SLC30A7: variants seen among roughly 807,000 people sequenced by gnomAD.
SLC30A7 encodes zinc transporter 7.
Under a neutral mutation model 46.0 loss-of-function variants are expected in SLC30A7, and 35 were observed. The ratio of observed to expected loss-of-function variants is 0.76; its 90% CI spans 0.58 to 1.01. The LOEUF (loss-of-function observed/expected upper bound fraction) is 1.01. Among genes scored for constraint, SLC30A7 ranks in the 50% least tolerant of loss-of-function variants. The pLI, the probability that SLC30A7 is intolerant of heterozygous loss-of-function variation, is 0.00. For missense variants in SLC30A7, 464 were observed against 451.1 expected, an observed-to-expected ratio of 1.03 and a Z score of -0.26; for synonymous variants, 147 against 157.8, an observed-to-expected ratio of 0.93 and a Z score of 0.51.
chr1:100,905,535 AT>A (rs1651600759), intron 2 of SLC30A7, among the ~76,000 whole-genome samples: 1 of 151,692 alleles, frequency 6.6e-6, no homozygotes, highest in Admixed American at 6.6e-5. Context: ...AAATACATGT[AT>A]TTTAGTATGT....
chr1:100,958,010 T>G lies in SLC30A7; in HGVS notation c.843-3818T>G, dbSNP rs562739304. Among the ~76,000 whole-genome samples, 38 of 152,228 alleles carry G rather than the reference T, an allele frequency of 2.5e-4. 2 individuals carry two copies. The South Asian group carries it at 6.6e-3, about 27-fold the overall frequency. The stretch of plus-strand genomic sequence containing the variant: ...TAGCAACACAGTAGGTAGAAACAGA[T>G]CCCACTCTTTAGTTTAGATGAATGA... On this transcript the variant is annotated intron_variant, in intron 8 of 10. Transcript: ENST00000357650.
At chr1:100,955,850 C>T (rs1248224656) in intron 8 of SLC30A7, among the ~76,000 whole-genome samples, 4 of 152,040 alleles carry the variant, frequency 2.6e-5, no homozygotes, top group East Asian at 1.9e-4. Context: ...TGTGTATCAC[C>T]GTGTGATTTA....
intron 8 of SLC30A7, 101 bp downstream of exon 8, chr1:100,921,942 T>G: frequency 9.6e-7 from 1 of 1,039,156 alleles, no homozygotes. Context: ...TTGGTTTTCC[T>G]TTGCTTGCTT....
Position 100,913,759 on chromosome 1 carries a change from C to T in SLC30A7, c.608C>T (p.Ala203Val). 6.2e-7 allele frequency: 1 copy of T among 1,613,748 alleles called. No homozygotes were observed. Among genetic ancestry groups the T allele is most frequent in the Non-Finnish European group, 8.5e-7 (1 of 1,179,692 alleles). Reference sequence around the variant, plus strand: ...AGCCATGAAGTGAAACATGGTGCTGCACATAGCCATGATCATGCTCATGGA... The same window carrying T: ...AGCCATGAAGTGAAACATGGTGCTGTACATAGCCATGATCATGCTCATGGA... The part of the protein sequence containing the change: ...CHSHEVKHGA[A>V]HSHDHAHGHG... The change falls in exon 6 of 11, where the codon GCA becomes GTA. Residue 203 changes from alanine to valine, a missense_variant. Ala to Val is a moderately conservative substitution (Grantham distance 64, BLOSUM62 0). Coordinates refer to ENST00000357650, the MANE Select transcript of SLC30A7 (RefSeq NM_133496.5).
intron 10 of SLC30A7, among the ~76,000 whole-genome samples, chr1:100,968,460 CAAA>C (rs111291474): frequency 3.3e-5 from 3 of 90,394 alleles, no homozygotes; most frequent in Non-Finnish European, 2.4e-5. Flanking sequence ...GACTCTGTCT[CAAA>C]AAAAAAAAAA....
Position 100,918,051 on chromosome 1 carries a change from T to C in SLC30A7, c.656-26T>C, listed in dbSNP as rs112836108. ...ACTTGAATGAGGAATTGAAAACATGTTTTAAAATAACTTAATTCTCTACAG... is the reference window on the plus strand; with the variant it reads ...ACTTGAATGAGGAATTGAAAACATGCTTTAAAATAACTTAATTCTCTACAG... On this transcript the variant is annotated intron_variant, in intron 6 of 10. Coordinates refer to ENST00000357650, the MANE Select transcript of SLC30A7 (RefSeq NM_133496.5). The C allele has an allele frequency of 1.7e-3, 2,684 of 1,593,852 alleles. 46 individuals are homozygous for C. In the African/African-American group the frequency reaches 0.032, roughly 19 times the overall value.
At chr1:100,983,396 C>A (rs376637630), downstream of SLC30A7, among the ~76,000 whole-genome samples, 3,567 of 113,030 alleles carry the variant, frequency 0.032, 65 homozygotes, top group African/African-American at 0.055. Context: ...AAAAACAAAA[C>A]AAAACAAAAC....
chr1:100,899,707 A>G (rs1651179082), intron 2 of SLC30A7, among the ~76,000 whole-genome samples: 1 of 152,184 alleles, frequency 6.6e-6, no homozygotes, highest in African/African-American at 2.4e-5. Context: ...ACCTAAAATA[A>G]TGGTTGCTTA....
chr1:100,967,245 T>C (rs2101093799), intron 10 of SLC30A7, among the ~76,000 whole-genome samples: 1 of 152,270 alleles, frequency 6.6e-6, no homozygotes, highest in South Asian at 2.1e-4. Context: ...GGGACCGGCT[T>C]TGTGGAAGAC....
At chr1:100,964,070 C>T (rs955170045) in intron 9 of SLC30A7, among the ~76,000 whole-genome samples, 2 of 151,662 alleles carry the variant, frequency 1.3e-5, no homozygotes, top group Non-Finnish European at 2.9e-5. Context: ...CTATAATGTA[C>T]CAGGCAGTGT....
In SLC30A7 at chr1:100,918,138, C is replaced by T. The variant is rs1652703718; in HGVS notation, c.706+11C>T. 2 of 1,608,642 alleles carry T rather than the reference C, an allele frequency of 1.2e-6. No individual in the cohort carries two copies. Among genetic ancestry groups the T allele is most frequent in the African/African-American group, 1.3e-5 (1 of 74,904 alleles). ...GACAGATTTTACAAGGTATGACAAG[C>T]AATTTTTATGTTTCTTAGTTTTTTG... On this transcript the variant is annotated intron_variant, in intron 7 of 10. Transcript: ENST00000357650.
intron 8 of SLC30A7, among the ~76,000 whole-genome samples, chr1:100,937,509 C>G (rs1203784536): frequency 6.6e-6 from 1 of 151,856 alleles, no homozygotes; most frequent in Non-Finnish European, 1.5e-5. Flanking sequence ...ACCAGAAAAC[C>G]CATTAACGTA....
chr1:100,963,040 T>C (rs937854550), intron 9 of SLC30A7, among the ~76,000 whole-genome samples: 2 of 152,168 alleles, frequency 1.3e-5, no homozygotes, highest in Non-Finnish European at 2.9e-5. Context: ...AGTTCTATTC[T>C]GGATATGTTA....
intron 6 of SLC30A7, among the ~76,000 whole-genome samples, chr1:100,914,430 C>G (rs6577213): frequency 6.6e-6 from 1 of 152,006 alleles, no homozygotes; most frequent in African/African-American, 2.4e-5. Context: ...TTAAGCATCA[C>G]GAGGCCTTTT....
chr1:100,912,651 C>G (rs1342589491), intron 5 of SLC30A7, among the ~76,000 whole-genome samples: 2 of 151,806 alleles, frequency 1.3e-5, no homozygotes, highest in Non-Finnish European at 2.9e-5. Flanking sequence ...TGGCGAAACC[C>G]CATCTCTACA....
chr1:100,915,794 C>A (rs952888431), intron 6 of SLC30A7, among the ~76,000 whole-genome samples: 7 of 152,170 alleles, frequency 4.6e-5, no homozygotes, highest in South Asian at 2.1e-4. Flanking sequence ...GGATATATAC[C>A]CAGTTTGCTG....
chr1:100,909,624 T>G (rs1225614458), intron 3 of SLC30A7, among the ~76,000 whole-genome samples: 1 of 152,156 alleles, frequency 6.6e-6, no homozygotes, highest in Non-Finnish European at 1.5e-5. Context: ...AGTTTTCATG[T>G]GTTTTTGTTT....
the SLC30A7 span, among the ~76,000 whole-genome samples, chr1:100,987,093 G>A: frequency 6.6e-6 from 1 of 152,152 alleles, no homozygotes; most frequent in Non-Finnish European, 1.5e-5. Context: ...GCAGACAGAG[G>A]AACCTGGTTA....
chr1:100,961,991 A>G (rs962438193), intron 9 of SLC30A7, 73 bp downstream of exon 9: 1 of 858,008 alleles, frequency 1.2e-6, no homozygotes, highest in Admixed American at 2.3e-5. Context: ...TTTCACAAAT[A>G]TGGGTAACAT....
Sources: gnomAD v4.1 joint callset for allele counts (sites outside exome capture counted in the v4.1 genomes callset) on GRCh38, gnomAD v4.1.1 for gene constraint, MANE v1.5 for transcripts, NCBI Gene and HGNC (gene_info 2026-07-23, HGNC 2026-07-21) for gene names.